The following SLC24A2 variants were observed in gnomAD, a reference collection of about 807,000 sequenced individuals.
The protein encoded by SLC24A2 is solute carrier family 24 member 2, also known as sodium/potassium/calcium exchanger 2.
SLC24A2 carries 36 observed loss-of-function variants against 62.0 expected under a neutral mutation model. That is an observed-to-expected ratio of 0.58 (90% CI 0.44 to 0.77). The LOEUF (loss-of-function observed/expected upper bound fraction) is 0.77. Among genes scored for constraint, SLC24A2 ranks in the 30% least tolerant of loss-of-function variants. The pLI, the probability that SLC24A2 is intolerant of heterozygous loss-of-function variation, is 0.00. For synonymous variants in SLC24A2, 358 were observed against 294.0 expected, an observed-to-expected ratio of 1.22 and a Z score of -2.23; for missense variants, 846 against 817.9, an observed-to-expected ratio of 1.03 and a Z score of -0.42.
chr9:19,974,565 T>A, the SLC24A2 span, among the ~76,000 whole-genome samples: 1 of 152,260 alleles, frequency 6.6e-6, no homozygotes, highest in East Asian at 1.9e-4. Context: ...CCTTGCAACA[T>A]CCTAGGGGGT....
chr9:19,947,808 A>AAAAGAAAGAAAGAAAGAAAG, the SLC24A2 span, among the ~76,000 whole-genome samples: 1,154 of 59,192 alleles, frequency 0.019, 29 homozygotes, highest in African/African-American at 0.027. Context: ...AAAAAAAAAA[A>AAAAGAAAGAAAGAAAGAAAG]AAAGAAAGAA....
At chr9:19,607,962 T>C (rs1333556355) in intron 4 of SLC24A2, among the ~76,000 whole-genome samples, 2 of 152,192 alleles carry the variant, frequency 1.3e-5, no homozygotes, top group Admixed American at 6.5e-5. Flanking sequence ...AGAATAATGC[T>C]TTACTATTCC....
the SLC24A2 span, among the ~76,000 whole-genome samples, chr9:20,141,957 C>T: frequency 3.3e-5 from 5 of 152,068 alleles, no homozygotes; most frequent in Admixed American, 6.6e-5. Flanking sequence ...GTGGCAGGTG[C>T]GTATAATCCC....
intron 2 of SLC24A2, among the ~76,000 whole-genome samples, chr9:19,753,240 C>T (rs529372973): frequency 1.6e-4 from 24 of 152,318 alleles, no homozygotes; most frequent in Non-Finnish European, 3.2e-4. Flanking sequence ...CATCTAACCA[C>T]CTCTCTCAAC....
chr9:19,909,552 G>A, the SLC24A2 span, among the ~76,000 whole-genome samples: 1 of 152,076 alleles, frequency 6.6e-6, no homozygotes, highest in Admixed American at 6.6e-5. Context: ...GGGTTTAAGG[G>A]ACTATAAATT....
chr9:20,301,706 G>T, the SLC24A2 span, among the ~76,000 whole-genome samples: 1 of 151,554 alleles, frequency 6.6e-6, no homozygotes, highest in Non-Finnish European at 1.5e-5. Flanking sequence ...CCCCACCAGC[G>T]TGGTACATTT....
At chr9:20,093,627 C>G in the SLC24A2 span, among the ~76,000 whole-genome samples, 2 of 151,940 alleles carry the variant, frequency 1.3e-5, no homozygotes, top group African/African-American at 2.4e-5. Flanking sequence ...ATGTTTTATT[C>G]CTTTGTAGAA....
At chr9:19,724,412 T>C (rs990456052) in intron 2 of SLC24A2, among the ~76,000 whole-genome samples, 5 of 152,216 alleles carry the variant, frequency 3.3e-5, no homozygotes, top group Admixed American at 3.3e-4. Context: ...CTTCAAAGAT[T>C]AAAATTCAAT....
At chr9:19,530,320 T>A (rs974401168) in intron 8 of SLC24A2, among the ~76,000 whole-genome samples, 1 of 152,104 alleles carries the variant, frequency 6.6e-6, no homozygotes, top group Non-Finnish European at 1.5e-5. Context: ...CGTGTGTGAT[T>A]AGAGCCCCAA....
chr9:19,766,776 A>G (rs941502487), intron 2 of SLC24A2, among the ~76,000 whole-genome samples: 1 of 152,112 alleles, frequency 6.6e-6, no homozygotes, highest in Non-Finnish European at 1.5e-5. Context: ...AGGGTCAGCG[A>G]CCCACTTGAG....
At chr9:19,821,016 C>T in the SLC24A2 span, among the ~76,000 whole-genome samples, 1 of 151,996 alleles carries the variant, frequency 6.6e-6, no homozygotes, top group Admixed American at 6.6e-5. Context: ...TATTTCAAAA[C>T]CTCTGAATGG....
chr9:19,761,033 G>A (rs1666735118), intron 2 of SLC24A2, among the ~76,000 whole-genome samples: 1 of 151,992 alleles, frequency 6.6e-6, no homozygotes, highest in African/African-American at 2.4e-5. Flanking sequence ...TGCATGTTGT[G>A]CACAGGTACC....
chr9:20,021,083 A>C, the SLC24A2 span, among the ~76,000 whole-genome samples: 4 of 152,248 alleles, frequency 2.6e-5, no homozygotes, highest in African/African-American at 9.6e-5. Flanking sequence ...TAAATTATAC[A>C]TGTGTACACA....
chr9:20,241,260 C>T, the SLC24A2 span, among the ~76,000 whole-genome samples: 2 of 152,194 alleles, frequency 1.3e-5, no homozygotes, highest in African/African-American at 4.8e-5. Flanking sequence ...AAGTTTTAAT[C>T]TGAATGAGTT....
the SLC24A2 span, among the ~76,000 whole-genome samples, chr9:20,058,035 C>T: frequency 6.6e-6 from 1 of 152,142 alleles, no homozygotes; most frequent in Non-Finnish European, 1.5e-5. Flanking sequence ...AAAATAAAGC[C>T]TAACAAAGGA....
chr9:19,871,754 TG>T, the SLC24A2 span, among the ~76,000 whole-genome samples: 2 of 152,204 alleles, frequency 1.3e-5, no homozygotes, highest in East Asian at 3.8e-4. Flanking sequence ...TTTCATAGAA[TG>T]TTTTTGGAAT....
At chr9:20,232,473 C>A in the SLC24A2 span, among the ~76,000 whole-genome samples, 17 of 152,162 alleles carry the variant, frequency 1.1e-4, no homozygotes, top group African/African-American at 4.1e-4. Flanking sequence ...GGAGGATGTA[C>A]GTGTCGAGGA....
intron 8 of SLC24A2, among the ~76,000 whole-genome samples, chr9:19,537,029 G>A (rs1834012323): frequency 2.0e-5 from 3 of 147,850 alleles, no homozygotes; most frequent in African/African-American, 2.5e-5. Flanking sequence ...CATGTCCTTT[G>A]CCCACTTTTT....
intron 5 of SLC24A2, among the ~76,000 whole-genome samples, chr9:19,578,807 A>G (rs987714455): frequency 1.3e-5 from 2 of 152,162 alleles, no homozygotes; most frequent in Non-Finnish European, 2.9e-5. Context: ...ATGGACTCCA[A>G]TGGTGAAAAT....
Sources: gnomAD v4.1 joint callset for allele counts (sites outside exome capture counted in the v4.1 genomes callset) on GRCh38, gnomAD v4.1.1 for gene constraint, MANE v1.5 for transcripts, NCBI Gene and HGNC (gene_info 2026-07-23, HGNC 2026-07-21) for gene names.